The following KLHL1 variants were observed in gnomAD, a reference collection of about 807,000 sequenced individuals.
KLHL1 encodes kelch like family member 1.
In KLHL1, 47 loss-of-function variants were observed where a neutral mutation model predicts 77.7. The ratio of observed to expected loss-of-function variants is 0.60; its 90% CI spans 0.48 to 0.77. The LOEUF is 0.77. Among genes scored for constraint, KLHL1 ranks in the 30% least tolerant of loss-of-function variants. The pLI is 0.00. For missense variants in KLHL1, 925 were observed against 910.8 expected (o/e 1.02, Z -0.20); for synonymous variants, 360 against 325.2 (o/e 1.11, Z -1.15).
intron 6 of KLHL1, among the ~76,000 whole-genome samples, chr13:69,822,025 C>G (rs1289291221): frequency 6.6e-6 from 1 of 151,844 alleles, no homozygotes; most frequent in Non-Finnish European, 1.5e-5. Flanking sequence ...TGGTGAAACC[C>G]CATCTCTACC....
chr13:69,869,885 A>T (rs1363742595), intron 5 of KLHL1, among the ~76,000 whole-genome samples: 1 of 152,174 alleles, frequency 6.6e-6, no homozygotes, highest in East Asian at 1.9e-4. Flanking sequence ...GTCATTCAAA[A>T]GTTGTGAGTA....
intron 7 of KLHL1, among the ~76,000 whole-genome samples, chr13:69,777,420 ATTATC>A (rs1234395656): frequency 1.3e-5 from 2 of 152,172 alleles, no homozygotes; most frequent in African/African-American, 4.8e-5. Context: ...TAATTGAATT[ATTATC>A]TTAAAGTGGG....
chr13:69,971,463 C>T lies in KLHL1; in HGVS notation c.680+4157G>A, dbSNP rs113455257. On this transcript the variant is annotated intron_variant, in intron 2 of 10. Transcript: ENST00000377844. Reference sequence around the variant, plus strand: ...TGTCCTATTTTTATGGTTTAATTTCCCAGTTATTTCCAATATAAACTCTAT... The same window carrying T: ...TGTCCTATTTTTATGGTTTAATTTCTCAGTTATTTCCAATATAAACTCTAT... 4.3e-3 allele frequency among the ~76,000 whole-genome samples: 657 copies of T among 152,024 alleles called. 2 individuals carry two copies. Among genetic ancestry groups the T allele is most frequent in the Non-Finnish European group, 8.2e-3 (558 of 67,912 alleles).
intron 1 of KLHL1, among the ~76,000 whole-genome samples, chr13:69,999,529 T>TC (rs1885235612): frequency 6.6e-6 from 1 of 152,006 alleles, no homozygotes; most frequent in East Asian, 1.9e-4. Context: ...CATTTTGGGC[T>TC]CCCCAAGCCA....
At chr13:70,016,731 C>G (rs1183949559) in intron 1 of KLHL1, among the ~76,000 whole-genome samples, 1 of 152,104 alleles carries the variant, frequency 6.6e-6, no homozygotes, top group Non-Finnish European at 1.5e-5. Flanking sequence ...CAGACAGGCT[C>G]CTGGACAAAA....
chr13:70,005,362 C>G (rs1313885861), intron 1 of KLHL1, among the ~76,000 whole-genome samples: 1 of 151,980 alleles, frequency 6.6e-6, no homozygotes, highest in African/African-American at 2.4e-5. Flanking sequence ...CATTTTCTAT[C>G]AAGCTTGTCC....
rs139537212 is a variant in KLHL1 at position 69,900,679 on chromosome 13, A to G, written c.1015-18184T>C. Among the ~76,000 whole-genome samples the G allele has an allele frequency of 1.8e-3, 273 of 152,332 alleles. No individual in the cohort carries two copies. In the Middle Eastern group the frequency reaches 0.027, roughly 15 times the overall value. On this transcript the variant is annotated intron_variant, in intron 4 of 10. Transcript: ENST00000377844. ...CCAACATAATTTGGAAGAGACAGACATCATGGACAGAGGGAAACACTTTGA... is the reference window on the plus strand; with the variant it reads ...CCAACATAATTTGGAAGAGACAGACGTCATGGACAGAGGGAAACACTTTGA...
chr13:69,799,390 G>T (rs186092988), intron 6 of KLHL1, among the ~76,000 whole-genome samples: 205 of 152,258 alleles, frequency 1.3e-3, no homozygotes, highest in African/African-American at 4.6e-3. Flanking sequence ...AAAAGGAAAA[G>T]TCAGGAATTG....
chr13:69,721,538 T>G (rs1289859284), intron 8 of KLHL1, among the ~76,000 whole-genome samples: 1 of 152,022 alleles, frequency 6.6e-6, no homozygotes, highest in Non-Finnish European at 1.5e-5. Flanking sequence ...ATATAATATA[T>G]TTATAAGTAG....
At chr13:70,082,850 A>G (rs1485290416) in intron 1 of KLHL1, among the ~76,000 whole-genome samples, 1 of 152,188 alleles carries the variant, frequency 6.6e-6, no homozygotes, top group Admixed American at 6.5e-5. Flanking sequence ...TGGAGCCAAT[A>G]ACCTAAGCAA....
chr13:69,860,387 T>C (rs1266437887), intron 5 of KLHL1, among the ~76,000 whole-genome samples: 1 of 152,008 alleles, frequency 6.6e-6, no homozygotes, highest in East Asian at 1.9e-4. Context: ...AAGAGAATGT[T>C]AGTGGCATTG....
At chr13:70,093,424 A>G (rs1302630556) in intron 1 of KLHL1, among the ~76,000 whole-genome samples, 2 of 152,210 alleles carry the variant, frequency 1.3e-5, no homozygotes, top group Non-Finnish European at 1.5e-5. Context: ...AATAAATAGT[A>G]GTAATAAAAT....
At chr13:69,735,603 A>C (rs569524259) in intron 8 of KLHL1, among the ~76,000 whole-genome samples, 1 of 150,352 alleles carries the variant, frequency 6.7e-6, no homozygotes. Context: ...AAAAATATAA[A>C]TAAACATGAA....
intron 5 of KLHL1, among the ~76,000 whole-genome samples, chr13:69,862,294 AAGAGAGAG>A (rs373063186): frequency 1.8e-4 from 27 of 149,808 alleles, no homozygotes; most frequent in African/African-American, 6.1e-4. Context: ...CACACAGGAG[AAGAGAGAG>A]AGAGAGAGAG....
intron 3 of KLHL1, among the ~76,000 whole-genome samples, chr13:69,959,447 T>A (rs570719853): frequency 1.3e-5 from 2 of 151,998 alleles, no homozygotes; most frequent in African/African-American, 4.8e-5. Context: ...TCAGGTTGTA[T>A]GCAAATTGAA....
At chr13:70,023,067 C>T (rs180866268) in intron 1 of KLHL1, among the ~76,000 whole-genome samples, 1 of 151,884 alleles carries the variant, frequency 6.6e-6, no homozygotes, top group Non-Finnish European at 1.5e-5. Flanking sequence ...GTCACACAGA[C>T]CTTTATTCAC....
intron 1 of KLHL1, among the ~76,000 whole-genome samples, chr13:70,069,429 C>A (rs890163500): frequency 3.9e-5 from 6 of 152,190 alleles, no homozygotes; most frequent in Non-Finnish European, 8.8e-5. Context: ...TCATGTATGT[C>A]TTTTAACAAA....
intron 6 of KLHL1, among the ~76,000 whole-genome samples, chr13:69,835,579 G>A: frequency 6.6e-6 from 1 of 152,150 alleles, no homozygotes; most frequent in South Asian, 2.1e-4. Flanking sequence ...TTTGGTTCTG[G>A]GTTGAAGCAG....
At chr13:69,913,072 G>C (rs1882292527) in intron 4 of KLHL1, among the ~76,000 whole-genome samples, 1 of 152,118 alleles carries the variant, frequency 6.6e-6, no homozygotes. Flanking sequence ...CCACAAACTG[G>C]AGTTCCAGGT....
Sources: allele counts gnomAD v4.1 joint callset (sites outside exome capture counted in the v4.1 genomes callset), GRCh38; gene constraint gnomAD v4.1.1; transcripts MANE v1.5; gene names NCBI Gene and HGNC (gene_info 2026-07-23, HGNC 2026-07-21).